The following ADAM18 variants were observed in gnomAD, a reference collection of about 807,000 sequenced individuals.
ADAM18 encodes disintegrin and metalloproteinase domain-containing protein 18.
A neutral mutation model predicts 94.4 loss-of-function variants in ADAM18; 117 were observed. That is an observed-to-expected ratio of 1.24 (90% CI 1.07 to 1.45). The LOEUF is 1.45. ADAM18 is among the 40% of genes most tolerant of loss of function. ADAM18 has a pLI of 0.00. For synonymous variants in ADAM18, 327 were observed against 291.6 expected (o/e 1.12, Z -1.24); for missense variants, 936 against 880.0 (o/e 1.06, Z -0.81).
intron 13 of ADAM18, among the ~76,000 whole-genome samples, chr8:39,667,387 G>C (rs1332550851): frequency 1.6e-5 from 2 of 125,798 alleles, no homozygotes; most frequent in African/African-American, 6.2e-5. Flanking sequence ...GAGCAAAAGA[G>C]CAAAACTCCA....
intron 16 of ADAM18, among the ~76,000 whole-genome samples, chr8:39,690,328 G>T (rs571949064): frequency 3.7e-4 from 57 of 152,208 alleles, no homozygotes; most frequent in African/African-American, 1.3e-3. Flanking sequence ...CAAGTGGAAG[G>T]TGTGTGCACT....
intron 16 of ADAM18, among the ~76,000 whole-genome samples, chr8:39,684,625 CATT>C (rs1821559404): frequency 6.6e-6 from 1 of 152,164 alleles, no homozygotes; most frequent in African/African-American, 2.4e-5. Context: ...GTTCTGTACT[CATT>C]GTTGCCCTGG....
intron 19 of ADAM18, among the ~76,000 whole-genome samples, chr8:39,726,200 C>A (rs956710965): frequency 1.3e-5 from 2 of 150,784 alleles, no homozygotes; most frequent in South Asian, 4.2e-4. Context: ...TATTAAGCTT[C>A]TTTGACAATT....
At chr8:39,607,389 T>G (rs1819118431) in intron 3 of ADAM18, among the ~76,000 whole-genome samples, 1 of 152,236 alleles carries the variant, frequency 6.6e-6, no homozygotes, top group African/African-American at 2.4e-5. Flanking sequence ...TTATAGCAAC[T>G]GTCCCTTGTC....
At chr8:39,709,814 T>C (rs34687306) in intron 18 of ADAM18, among the ~76,000 whole-genome samples, 33,272 of 152,126 alleles carry the variant, frequency 0.22, 4,425 homozygotes, top group East Asian at 0.56. Flanking sequence ...AGTTGCTACA[T>C]AATATCAATT....
chr8:39,639,543 A>T (rs1164351078), intron 10 of ADAM18, among the ~76,000 whole-genome samples: 2 of 151,960 alleles, frequency 1.3e-5, no homozygotes, highest in East Asian at 3.9e-4. Flanking sequence ...AGAATGTAAC[A>T]TCTTAATAGT....
chr8:39,722,507 A>T (rs1485863789), intron 18 of ADAM18, among the ~76,000 whole-genome samples: 1 of 151,102 alleles, frequency 6.6e-6, no homozygotes, highest in Non-Finnish European at 1.5e-5. Context: ...GGAATAATAG[A>T]CACTGGGGAC....
chr8:39,642,989 A>C (rs1053767252), intron 10 of ADAM18, among the ~76,000 whole-genome samples: 1 of 152,034 alleles, frequency 6.6e-6, no homozygotes, highest in East Asian at 1.9e-4. Context: ...CTCCTTGTAG[A>C]GATCTTTCAC....
intron 18 of ADAM18, among the ~76,000 whole-genome samples, chr8:39,716,360 C>T (rs1355245280): frequency 6.6e-6 from 1 of 151,898 alleles, no homozygotes; most frequent in Non-Finnish European, 1.5e-5. Flanking sequence ...CCTGTTAGTG[C>T]TGCTTTTGCT....
intron 17 of ADAM18, among the ~76,000 whole-genome samples, chr8:39,705,126 C>T (rs1341588844): frequency 2.6e-5 from 4 of 152,054 alleles, no homozygotes; most frequent in African/African-American, 9.7e-5. Flanking sequence ...TGCTTTTAGT[C>T]TTATCAGGGA....
intron 2 of ADAM18, among the ~76,000 whole-genome samples, chr8:39,594,120 A>G (rs1295310053): frequency 1.3e-5 from 2 of 152,252 alleles, no homozygotes; most frequent in East Asian, 1.9e-4. Context: ...GGTTGGTTCA[A>G]GAATATATAC....
chr8:39,685,632 T>G (rs758731112), intron 16 of ADAM18, among the ~76,000 whole-genome samples: 1 of 152,192 alleles, frequency 6.6e-6, no homozygotes, highest in Non-Finnish European at 1.5e-5. Flanking sequence ...TGGTGTTCGC[T>G]CCTGAACATG....
In ADAM18 at chr8:39,606,216, A is replaced by G. The variant is rs564463126; in HGVS notation, c.133-91A>G. On this transcript the variant is annotated intron_variant, in intron 2 of 19. Coordinates refer to ENST00000265707, the MANE Select transcript of ADAM18 (RefSeq NM_014237.3). ...TAAAGATTATGTTCATTTTTAATAG[A>G]TAGACTCTTTTTATTAACTTGGATG... 4.4e-6 allele frequency: 3 copies of G among 681,812 alleles called. No individual in the cohort carries two copies. The South Asian group carries it at 5.7e-5, about 13-fold the overall frequency. 42.2% of individuals were successfully genotyped at this position (681,812 alleles called of 1,614,324 possible). A position where few individuals can be genotyped will look rare whatever the true frequency, so the allele number is the denominator to read the frequency against.
chr8:39,672,119 T>G (rs1350481615), intron 14 of ADAM18, among the ~76,000 whole-genome samples: 1 of 152,062 alleles, frequency 6.6e-6, no homozygotes, highest in Non-Finnish European at 1.5e-5. Context: ...AGAATTGCCA[T>G]AGCAGATAGT....
chr8:39,622,345 A>T (rs1320365397), intron 6 of ADAM18, among the ~76,000 whole-genome samples: 1 of 150,244 alleles, frequency 6.7e-6, no homozygotes, highest in Admixed American at 6.7e-5. Flanking sequence ...GCCTCTAGAA[A>T]GATTCCATTG....
chr8:39,681,832 G>A (rs1029184623), intron 16 of ADAM18, among the ~76,000 whole-genome samples: 1 of 152,132 alleles, frequency 6.6e-6, no homozygotes, highest in Admixed American at 6.6e-5. Flanking sequence ...TCTACAGTAC[G>A]TGGAAAGTAG....
chr8:39,626,941 G>A (rs1819785957), intron 6 of ADAM18, among the ~76,000 whole-genome samples: 1 of 152,078 alleles, frequency 6.6e-6, no homozygotes. Context: ...TAAGTCCTAT[G>A]TTTCTTTGTT....
chr8:39,594,005 A>G (rs913238254), intron 2 of ADAM18, among the ~76,000 whole-genome samples: 28 of 152,088 alleles, frequency 1.8e-4, no homozygotes, highest in African/African-American at 6.8e-4. Flanking sequence ...TAACGTCACC[A>G]TTGGTGTTAC....
chr8:39,696,042 C>T (rs1302100465), intron 17 of ADAM18, among the ~76,000 whole-genome samples: 1 of 151,402 alleles, frequency 6.6e-6, no homozygotes, highest in African/African-American at 2.4e-5. Context: ...TCCAATTTCT[C>T]TACATCCTGC....
Sources: gnomAD v4.1 joint callset for allele counts (sites outside exome capture counted in the v4.1 genomes callset) on GRCh38, gnomAD v4.1.1 for gene constraint, MANE v1.5 for transcripts, NCBI Gene and HGNC (gene_info 2026-07-23, HGNC 2026-07-21) for gene names.